The following PHF20 variants were observed in gnomAD, a reference collection of about 807,000 sequenced individuals.
PHF20 encodes the protein glioma-expressed antigen 2.
In PHF20, 23 loss-of-function variants were observed where a neutral mutation model predicts 113.5. That is an observed-to-expected ratio of 0.20 (90% CI 0.15 to 0.29). The LOEUF (loss-of-function observed/expected upper bound fraction) is 0.29, where lower values mean the gene tolerates loss of function less well. Ranked by LOEUF, PHF20 falls within the 10% of genes least tolerant of loss-of-function variation. The pLI is 1.00. For missense variants in PHF20, 943 were observed against 1,219.6 expected (o/e 0.77, Z 3.38); for synonymous variants, 434 against 457.3 (o/e 0.95, Z 0.65).
chr20:35,937,184 T>C (rs1244702328), intron 15 of PHF20, among the ~76,000 whole-genome samples: 1 of 151,984 alleles, frequency 6.6e-6, no homozygotes, highest in Admixed American at 6.6e-5. Context: ...TAAAGGCCAG[T>C]CGCCAGGCTT....
chr20:35,909,283 T>TA (rs73621683), intron 10 of PHF20, among the ~76,000 whole-genome samples: 151,460 of 151,460 alleles, frequency 1, 75,730 homozygotes, highest in Non-Finnish European at 1. Flanking sequence ...AAACAGCAAT[T>TA]CTTTTGCACC....
chr20:35,881,670 A>G (rs1335898388), intron 9 of PHF20, among the ~76,000 whole-genome samples: 1 of 152,118 alleles, frequency 6.6e-6, no homozygotes, highest in African/African-American at 2.4e-5. Flanking sequence ...TTTGCCTTTC[A>G]CCCCATTTAT....
At chr20:35,894,173 G>A (rs1375030435) in intron 9 of PHF20, among the ~76,000 whole-genome samples, 8 of 152,206 alleles carry the variant, frequency 5.3e-5, no homozygotes, top group Non-Finnish European at 7.3e-5. Context: ...GGTGATATGC[G>A]TCCCAGCCAG....
chr20:35,857,572 T>TTTG (rs2042857285), intron 4 of PHF20, among the ~76,000 whole-genome samples: 1 of 130,212 alleles, frequency 7.7e-6, no homozygotes, highest in African/African-American at 3.4e-5. Flanking sequence ...CTTTTTTTTT[T>TTTG]TTTTTTTTTT....
At chr20:35,849,830 G>A (rs1290277596) in intron 4 of PHF20, among the ~76,000 whole-genome samples, 1 of 152,188 alleles carries the variant, frequency 6.6e-6, no homozygotes, top group African/African-American at 2.4e-5. Context: ...GGGATATAGT[G>A]AAGTCATGCC....
At chr20:35,907,730 A>ATTCACTGAT (rs1187307686) in intron 10 of PHF20, among the ~76,000 whole-genome samples, 1 of 152,226 alleles carries the variant, frequency 6.6e-6, no homozygotes, top group Non-Finnish European at 1.5e-5. Context: ...AATGATTTGA[A>ATTCACTGAT]TTCACTGATA....
At chr20:35,858,147 T>A (rs2146964065) in intron 4 of PHF20, among the ~76,000 whole-genome samples, 155 bp from the exon 5 acceptor site, 1 of 152,368 alleles carries the variant, frequency 6.6e-6, no homozygotes, top group African/African-American at 2.4e-5. Context: ...CATACTGTTA[T>A]CTTGGACATA....
intron 1 of PHF20, among the ~76,000 whole-genome samples, chr20:35,784,861 G>A (rs188653162): frequency 7.2e-5 from 11 of 152,120 alleles, no homozygotes; most frequent in Admixed American, 2.6e-4. Context: ...GACTAGCCTC[G>A]GCAATGTGGC....
chr20:35,806,996 T>C (rs915361581), intron 2 of PHF20, among the ~76,000 whole-genome samples: 8 of 151,964 alleles, frequency 5.3e-5, no homozygotes, highest in East Asian at 1.9e-4. Context: ...GGAGTTTCAC[T>C]GTGTTAGCCA....
chr20:35,777,869 G>A (rs980484440), intron 1 of PHF20, among the ~76,000 whole-genome samples: 1 of 152,130 alleles, frequency 6.6e-6, no homozygotes, highest in African/African-American at 2.4e-5. Flanking sequence ...TAAGGATAAT[G>A]ATAAGAAATC....
At chr20:35,830,350 A>T (rs1041250936) in intron 2 of PHF20, among the ~76,000 whole-genome samples, 1 of 152,246 alleles carries the variant, frequency 6.6e-6, no homozygotes, top group African/African-American at 2.4e-5. Context: ...GATGAATGGA[A>T]TCATGCAGTA....
In PHF20 at chr20:35,806,412, C is replaced by T. The variant is rs77160890; in HGVS notation, c.83+4807C>T. Among the ~76,000 whole-genome samples the T allele has an allele frequency of 9.5e-3, 1,448 of 151,670 alleles. 15 individuals are homozygous for T. Among genetic ancestry groups the T allele is most frequent in the East Asian group, 0.039 (202 of 5,164 alleles). ...CTGACCTCAAGTGTTTCACCTGCCT[C>T]GGCTTCCCAAAGTGCTGGGATTACA... is the stretch of plus-strand genomic sequence containing the variant. On this transcript the variant is annotated intron_variant, in intron 2 of 17. Coordinates refer to ENST00000374012, the MANE Select transcript of PHF20 (RefSeq NM_016436.5).
intron 17 of PHF20, 103 bp from the exon 18 acceptor site, chr20:35,947,355 ATGGAGGCTGAAATGGCCCTTCCTCCCT>A: frequency 1.2e-6 from 1 of 841,192 alleles, no homozygotes; most frequent in South Asian, 2.2e-5. Flanking sequence ...CCCTTGCCCC[ATGGAGGCTGAAATGGCCCTTCCTCCCT>A]TGCCCCATGT....
intron 2 of PHF20, among the ~76,000 whole-genome samples, chr20:35,834,931 T>C (rs138721876): frequency 2.0e-5 from 3 of 152,198 alleles, no homozygotes; most frequent in Non-Finnish European, 4.4e-5. Flanking sequence ...ATTTAAGTTG[T>C]ACCTGATTAT....
chr20:35,832,635 G>A (rs867980597), intron 2 of PHF20, among the ~76,000 whole-genome samples: 6 of 152,172 alleles, frequency 3.9e-5, no homozygotes, highest in Non-Finnish European at 8.8e-5. Context: ...GTTGTTTCAG[G>A]TAACGGGAGC....
chr20:35,879,590 C>A (rs1487962605), intron 9 of PHF20, among the ~76,000 whole-genome samples: 2 of 151,960 alleles, frequency 1.3e-5, no homozygotes, highest in Non-Finnish European at 2.9e-5. Flanking sequence ...AGACAGTGTA[C>A]CCAAACTTTT....
At chr20:35,843,246 G>C (rs1264765091) in intron 3 of PHF20, among the ~76,000 whole-genome samples, 10 of 151,828 alleles carry the variant, frequency 6.6e-5, no homozygotes, top group Non-Finnish European at 1.3e-4. Context: ...CTGGCCAGGC[G>C]TGGTGGCTCA....
chr20:35,820,738 C>G (rs897348679), intron 2 of PHF20, among the ~76,000 whole-genome samples: 1 of 152,052 alleles, frequency 6.6e-6, no homozygotes, highest in Non-Finnish European at 1.5e-5. Flanking sequence ...TGTGAGCCAT[C>G]ACACCTGGCC....
chr20:35,883,038 A>G (rs2054663071), intron 9 of PHF20, among the ~76,000 whole-genome samples: 2 of 151,410 alleles, frequency 1.3e-5, no homozygotes, highest in South Asian at 2.1e-4. Context: ...AAAAAAAAAA[A>G]AAAAAGAAAA....
Sources: allele counts gnomAD v4.1 joint callset (sites outside exome capture counted in the v4.1 genomes callset), GRCh38; gene constraint gnomAD v4.1.1; transcripts MANE v1.5; gene names NCBI Gene and HGNC (gene_info 2026-07-23, HGNC 2026-07-21).